NACC1: variants seen among roughly 807,000 people sequenced by gnomAD.
NACC1 encodes the protein nucleus accumbens-associated protein 1.
A neutral mutation model predicts 41.7 loss-of-function variants in NACC1; 6 were observed. The ratio of observed to expected loss-of-function variants is 0.14; its 90% CI spans 0.08 to 0.28. The LOEUF is 0.28. NACC1 is among the 10% of genes least tolerant of loss of function. The probability of loss-of-function intolerance (pLI) is 1.00; values close to 1 mark genes in which losing one functional copy is unlikely to be tolerated. For missense variants in NACC1, 434 were observed against 763.7 expected (o/e 0.57, Z 5.09); for synonymous variants, 338 against 330.6 (o/e 1.02, Z -0.24).
At position 13,138,690 on chromosome 19, in the gene NACC1, A is replaced by C; in HGVS notation, c.*284A>C. On this transcript the variant is annotated 3_prime_UTR_variant, in exon 6 of 6. Coordinates refer to ENST00000292431, the MANE Select transcript of NACC1 (RefSeq NM_052876.4). This position sits in a 1 kb window ranked among gnomAD's most constrained non-coding sequence, Gnocchi z 5.7. ...CCTAACCCCTAGCCGTCATCTCCACACTCACCAGGCCCACCAGGGGAGGGG... is the reference window on the plus strand; with the variant it reads ...CCTAACCCCTAGCCGTCATCTCCACCCTCACCAGGCCCACCAGGGGAGGGG... 2.2e-6 allele frequency: 1 copy of C among 459,034 alleles called. No individual in the cohort carries two copies. The allele number at this position is 459,034 out of a possible 1,614,324, so 28.4% of individuals were successfully genotyped here.
intron 1 of NACC1, among the ~76,000 whole-genome samples, chr19:13,132,921 C>T (rs1430564825): frequency 6.6e-6 from 1 of 152,204 alleles, no homozygotes; most frequent in Non-Finnish European, 1.5e-5. Context: ...GGAGCCAGGA[C>T]TCAACCTTAG....
In NACC1 at chr19:13,135,115, G is replaced by GC. The variant is rs765767434; in HGVS notation, c.-8-83dup. 5.6e-4 allele frequency: 816 copies of GC among 1,446,118 alleles called. 2 individuals are homozygous for GC. The highest frequency in any genetic ancestry group is 7.2e-4 in the Non-Finnish European group (790 of 1,100,888). 89.6% of individuals were successfully genotyped at this position (1,446,118 alleles called of 1,614,324 possible). A position where few individuals can be genotyped will look rare whatever the true frequency, so the allele number is the denominator to read the frequency against. ...CCCTCCAGCAGGGGAGGTCTTTGGG[G>GC]CCAGGGCTAGGCCAGCACCCACATT... On this transcript the variant is annotated intron_variant, in intron 1 of 5. Coordinates refer to ENST00000292431, the MANE Select transcript of NACC1 (RefSeq NM_052876.4).
At chr19:13,124,052 A>C (rs1414897032) in intron 1 of NACC1, among the ~76,000 whole-genome samples, 1 of 152,206 alleles carries the variant, frequency 6.6e-6, no homozygotes, top group Non-Finnish European at 1.5e-5. Flanking sequence ...CCATGGATTT[A>C]ACAATAGTCA....
chr19:13,137,126 T>C lies in NACC1; in HGVS notation c.1121-145T>C. On this transcript the variant is annotated intron_variant, in intron 3 of 5. Transcript: ENST00000292431. This position sits in a 1 kb window ranked among gnomAD's most constrained non-coding sequence, Gnocchi z 6.1. ...TGACTGCCCTTGGTGGGTAGAGATG[T>C]AGGGGAGAAGGTCCCTGGGTGAGTT... is the stretch of plus-strand genomic sequence containing the variant. 1.4e-6 allele frequency: 1 copy of C among 704,158 alleles called. No homozygotes were observed. Among genetic ancestry groups the C allele is most frequent in the Non-Finnish European group, 2.4e-6 (1 of 408,666 alleles). 43.6% of individuals were successfully genotyped at this position (704,158 alleles called of 1,614,324 possible).
At position 13,136,163 on chromosome 19, in the gene NACC1, C is replaced by T. The variant is rs187770184; in HGVS notation, c.946+10C>T. On this transcript the variant is annotated intron_variant, in intron 2 of 5. Coordinates refer to ENST00000292431, the MANE Select transcript of NACC1 (RefSeq NM_052876.4). This position sits in a 1 kb window ranked among gnomAD's most constrained non-coding sequence, Gnocchi z 5.5. The stretch of plus-strand genomic sequence containing the variant: ...AACGTCGGCCAGACAGGTGAGGTGC[C>T]GTCCTGTCCCCCATCCCACCAGCCA... 566 of 1,605,962 alleles carry T rather than the reference C, an allele frequency of 3.5e-4. 4 individuals carry two copies. The highest frequency in any genetic ancestry group is 5.5e-4 in the Admixed American group (33 of 59,802).
intron 1 of NACC1, 35 bp from the exon 2 acceptor site, chr19:13,135,165 C>T: frequency 6.6e-7 from 1 of 1,521,150 alleles, no homozygotes; most frequent in Non-Finnish European, 8.8e-7. Context: ...GTCCCTCCGT[C>T]TCTGTCTCTC....
chr19:13,136,377 C>T lies in NACC1; in HGVS notation c.1092C>T (p.Asp364=), dbSNP rs1192163526. 1 of 1,613,742 alleles carries T rather than the reference C, an allele frequency of 6.2e-7. No individual in the cohort carries two copies. Among genetic ancestry groups the T allele is most frequent in the African/African-American group, 1.3e-5 (1 of 74,918 alleles). ...RCHPKLYDEG[D]PSEKLELVTG... ...ACCCCAAGCTCTACGACGAGGGCGACCCCTCTGAGAAGCTGGAGCTGGTGA... is the reference window on the plus strand; with the variant it reads ...ACCCCAAGCTCTACGACGAGGGCGATCCCTCTGAGAAGCTGGAGCTGGTGA... The change falls in exon 3 of 6, where the codon GAC becomes GAT. Residue 364 remains aspartate, a synonymous_variant. Transcript: ENST00000292431. This position sits in a 1 kb window ranked among gnomAD's most constrained non-coding sequence, Gnocchi z 5.5.
Position 13,135,858 on chromosome 19 carries a change from C to T in NACC1, c.651C>T (p.His217=), listed in dbSNP as rs745755014. ...STPDLAANRP[H]QPPPPQQAPV... is the part of the protein sequence containing the mutation. ...CGGACCTGGCTGCCAACCGGCCTCA[C>T]CAGCCCCCGCCACCCCAACAGGCTC... Residue 217 remains histidine, a synonymous_variant, in exon 2 of 6, where the codon CAC becomes CAT. Coordinates refer to ENST00000292431, the MANE Select transcript of NACC1 (RefSeq NM_052876.4). The T allele has an allele frequency of 1.3e-4, 198 of 1,552,662 alleles. No homozygotes were observed. The highest frequency in any genetic ancestry group is 1.9e-4 in the Admixed American group (10 of 51,474).
intron 1 of NACC1, among the ~76,000 whole-genome samples, chr19:13,130,632 T>C (rs1026787344): frequency 1.3e-5 from 2 of 151,030 alleles, no homozygotes; most frequent in Admixed American, 6.6e-5. Context: ...ACCTCCCAAG[T>C]TCAAGTGATT....
chr19:13,133,895 T>A (rs1464853070), intron 1 of NACC1, among the ~76,000 whole-genome samples: 1 of 152,136 alleles, frequency 6.6e-6, no homozygotes, highest in East Asian at 1.9e-4. Flanking sequence ...CCACAAGCAG[T>A]GGAAATGGGT....
intron 1 of NACC1, among the ~76,000 whole-genome samples, chr19:13,124,948 G>A (rs544453343): frequency 5.9e-5 from 9 of 152,020 alleles, no homozygotes; most frequent in South Asian, 4.2e-4. Flanking sequence ...TTTTTCACCC[G>A]TGACACAGCC....
intron 1 of NACC1, among the ~76,000 whole-genome samples, chr19:13,121,869 T>C (rs545995039): frequency 3.3e-5 from 5 of 152,346 alleles, no homozygotes; most frequent in South Asian, 2.1e-4. Flanking sequence ...CTGCCTGTTA[T>C]CATCATTTGA....
At chr19:13,131,739 ACAAG>A (rs2019636683) in intron 1 of NACC1, 2 of 152,256 alleles carry the variant, frequency 1.3e-5, no homozygotes, top group Non-Finnish European at 2.9e-5. Flanking sequence ...GAAGGAAGAT[ACAAG>A]CAAGGGAAGT....
rs369912588 is a variant in NACC1, at chr19:13,136,254, G to C, written c.969G>C (p.Pro323=). 4.3e-6 allele frequency: 7 copies of C among 1,613,566 alleles called. No homozygotes were observed. In the East Asian group the frequency reaches 1.6e-4, roughly 36 times the overall value. The change falls in exon 3 of 6, where the codon CCG becomes CCC. Residue 323 remains proline (P), a synonymous_variant. Transcript: ENST00000292431. This position sits in a 1 kb window ranked among gnomAD's most constrained non-coding sequence, Gnocchi z 5.5. The stretch of plus-strand genomic sequence containing the variant: ...CAGCCGAGAAGGTGGAGGCCCTCCC[G>C]GAGCAGGTAGCCCCCGAGTCCCGAA... ...GQTAEKVEAL[P]EQVAPESRNR...
At chr19:13,131,134 C>T (rs2019629637) in intron 1 of NACC1, among the ~76,000 whole-genome samples, 1 of 152,188 alleles carries the variant, frequency 6.6e-6, no homozygotes, top group Non-Finnish European at 1.5e-5. Context: ...CCGGTGTCTC[C>T]TCACTAGACA....
Position 13,137,351 on chromosome 19 carries a change from C to A in NACC1, c.1201C>A (p.Arg401=), listed in dbSNP as rs759780892. The A allele has an allele frequency of 9.3e-6, 15 of 1,613,616 alleles. No homozygotes were observed. Among genetic ancestry groups the A allele is most frequent in the African/African-American group, 1.3e-5 (1 of 74,884 alleles). The part of the protein sequence containing the change: ...AGTRHKVLLR[R]LLASFFDRNT... The stretch of plus-strand genomic sequence containing the variant: ...CACGCGGCACAAGGTCCTACTGCGG[C>A]GGCTCCTGGCCTCCTTCTTTGACCG... Residue 401 remains arginine, a synonymous_variant, in exon 4 of 6, where the codon CGG becomes AGG. Coordinates refer to ENST00000292431, the MANE Select transcript of NACC1 (RefSeq NM_052876.4). The surrounding 1 kb of genome is among the most constrained non-coding windows in gnomAD (Gnocchi z 6.1).
rs938855350 is a variant in NACC1 at position 13,136,975 on chromosome 19, G to A, written c.1121-296G>A. 2.0e-5 allele frequency among the ~76,000 whole-genome samples: 3 copies of A among 152,212 alleles called. No individual in the cohort carries two copies. The highest frequency in any genetic ancestry group is 6.5e-5 in the Admixed American group (1 of 15,288). Reference sequence around the variant, plus strand: ...TCATCTCTAGCTGGTGACAGCCAGCGTGCCCACCTCACACAGGCTTGCGGC... The same window carrying A: ...TCATCTCTAGCTGGTGACAGCCAGCATGCCCACCTCACACAGGCTTGCGGC... On this transcript the variant is annotated intron_variant, in intron 3 of 5. Coordinates refer to ENST00000292431, the MANE Select transcript of NACC1 (RefSeq NM_052876.4). The surrounding 1 kb of genome is among the most constrained non-coding windows in gnomAD (Gnocchi z 5.5).
chr19:13,123,696 G>C (rs946715300), intron 1 of NACC1, among the ~76,000 whole-genome samples: 1 of 152,164 alleles, frequency 6.6e-6, no homozygotes, highest in Non-Finnish European at 1.5e-5. Context: ...CCCAGCTCTG[G>C]GCTCGGCCGG....
chr19:13,122,532 G>A (rs994832435), intron 1 of NACC1, among the ~76,000 whole-genome samples: 1 of 151,026 alleles, frequency 6.6e-6, no homozygotes, highest in African/African-American at 2.4e-5. Context: ...CCGGGGGGGG[G>A]GGGGTGTGCT....
Sources: gnomAD v4.1 joint callset for allele counts (sites outside exome capture counted in the v4.1 genomes callset) on GRCh38, gnomAD v4.1.1 for gene constraint, Gnocchi (gnomAD v3.1) non-coding constraint, MANE v1.5 for transcripts, NCBI Gene and HGNC (gene_info 2026-07-23, HGNC 2026-07-21) for gene names.